PHACTR3: variants seen among roughly 807,000 people sequenced by gnomAD.
The protein encoded by PHACTR3 is phosphatase and actin regulator 3.
In PHACTR3, 16 loss-of-function variants were observed where a neutral mutation model predicts 66.8. The observed-to-expected ratio is 0.24, with a 90% CI of 0.16 to 0.36. The LOEUF (loss-of-function observed/expected upper bound fraction) is 0.36, where lower values mean the gene tolerates loss of function less well. PHACTR3 is among the 10% of genes least tolerant of loss of function. The probability of loss-of-function intolerance (pLI) is 1.00; values close to 1 mark genes in which losing one functional copy is unlikely to be tolerated. For synonymous variants in PHACTR3, 323 were observed against 292.1 expected (o/e 1.11, Z -1.08); for missense variants, 647 against 719.9 (o/e 0.90, Z 1.16).
At chr20:59,594,744 G>GGTTT (rs776275573) in intron 1 of PHACTR3, among the ~76,000 whole-genome samples, 8 of 152,100 alleles carry the variant, frequency 5.3e-5, no homozygotes, top group Non-Finnish European at 8.8e-5. Flanking sequence ...ACCAGCTTTT[G>GGTTT]GTTTCATTGA....
At chr20:59,617,327 T>C (rs1484217892) in intron 1 of PHACTR3, among the ~76,000 whole-genome samples, 1 of 152,152 alleles carries the variant, frequency 6.6e-6, no homozygotes, top group Non-Finnish European at 1.5e-5. Flanking sequence ...TCAGGTTAAA[T>C]AGTCTCACCC....
intron 1 of PHACTR3, among the ~76,000 whole-genome samples, chr20:59,687,672 C>A (rs553505119): frequency 1.3e-5 from 2 of 152,078 alleles, no homozygotes; most frequent in Admixed American, 6.5e-5. Context: ...CTGATAATTT[C>A]ATTAATGTGT....
chr20:59,824,905 GGTT>G (rs912795784), intron 8 of PHACTR3, among the ~76,000 whole-genome samples: 4 of 152,164 alleles, frequency 2.6e-5, no homozygotes, highest in South Asian at 2.1e-4. Flanking sequence ...CACTCCATGT[GGTT>G]GTTATTTCCA....
At chr20:59,764,388 G>A (rs1274484634) in intron 4 of PHACTR3, among the ~76,000 whole-genome samples, 4 of 152,136 alleles carry the variant, frequency 2.6e-5, no homozygotes, top group African/African-American at 9.7e-5. Flanking sequence ...TCAGACGCTG[G>A]CCACATTGTC....
chr20:59,777,201 A>G (rs771262098), intron 7 of PHACTR3, among the ~76,000 whole-genome samples: 3 of 152,210 alleles, frequency 2.0e-5, no homozygotes, highest in Non-Finnish European at 4.4e-5. Context: ...TGAGGATAGT[A>G]GTATTGCAGG....
chr20:59,774,631 C>G, intron 7 of PHACTR3, 141 bp downstream of exon 7: 1 of 1,197,272 alleles, frequency 8.4e-7, no homozygotes, highest in Non-Finnish European at 1.1e-6. Flanking sequence ...GGGGCTGTGT[C>G]CTCTGGAAAT....
At chr20:59,806,302 C>T (rs866695006) in intron 8 of PHACTR3, 108 bp downstream of exon 8, 15 of 1,405,550 alleles carry the variant, frequency 1.1e-5, no homozygotes, top group Middle Eastern at 2.4e-4. Flanking sequence ...CACAACCCAC[C>T]GTCTGCAGCA....
At chr20:59,808,994 G>A (rs1296662776) in intron 8 of PHACTR3, among the ~76,000 whole-genome samples, 1 of 152,164 alleles carries the variant, frequency 6.6e-6, no homozygotes, top group Non-Finnish European at 1.5e-5. Flanking sequence ...GTCCCCTGAG[G>A]TCAGAGACAA....
chr20:59,613,412 C>T (rs2033924153), intron 1 of PHACTR3, among the ~76,000 whole-genome samples: 1 of 152,174 alleles, frequency 6.6e-6, no homozygotes, highest in South Asian at 2.1e-4. Context: ...GGGGTGTCCA[C>T]CTGCCGAGTT....
intron 4 of PHACTR3, among the ~76,000 whole-genome samples, chr20:59,762,442 G>T (rs2040022995): frequency 6.6e-6 from 1 of 152,238 alleles, no homozygotes; most frequent in East Asian, 1.9e-4. Flanking sequence ...ATTTAAGCTT[G>T]TTTTTCACTC....
chr20:59,600,852 G>T (rs1373648025), upstream of PHACTR3, among the ~76,000 whole-genome samples: 3 of 152,118 alleles, frequency 2.0e-5, no homozygotes, highest in East Asian at 5.8e-4. Flanking sequence ...TCTGGGTGGA[G>T]ACAGGGAGGG....
chr20:59,620,985 C>T lies in PHACTR3; in HGVS notation c.118+15853C>T, dbSNP rs532807904. On this transcript the variant is annotated intron_variant, in intron 1 of 12. Coordinates refer to ENST00000371015, the MANE Select transcript of PHACTR3 (RefSeq NM_080672.5). ...GTATGTTTATCCTGTGGAGTAGAGT[C>T]CACTGCTGTCATCTTCTTGTTGCTG... Among the ~76,000 whole-genome samples the T allele has an allele frequency of 1.8e-4, 28 of 152,350 alleles. No individual in the cohort carries two copies. In the East Asian group the frequency reaches 5.2e-3, roughly 28 times the overall value.
chr20:59,813,930 T>C (rs2041813172), intron 8 of PHACTR3, among the ~76,000 whole-genome samples: 1 of 152,244 alleles, frequency 6.6e-6, no homozygotes, highest in Non-Finnish European at 1.5e-5. Context: ...CGTCCCCTGC[T>C]GTGTTTTTAG....
intron 1 of PHACTR3, among the ~76,000 whole-genome samples, chr20:59,609,785 A>G (rs1465097319): frequency 4.6e-5 from 7 of 152,164 alleles, no homozygotes; most frequent in Non-Finnish European, 8.8e-5. Flanking sequence ...CTCCTTGTAG[A>G]GTGTCTACAT....
chr20:59,706,141 A>T (rs1240259262), intron 1 of PHACTR3, among the ~76,000 whole-genome samples: 2 of 152,084 alleles, frequency 1.3e-5, no homozygotes, highest in Non-Finnish European at 2.9e-5. Context: ...TGACATTAAG[A>T]CCCCACTGGC....
At chr20:59,809,278 C>T (rs970804127) in intron 8 of PHACTR3, among the ~76,000 whole-genome samples, 1 of 152,066 alleles carries the variant, frequency 6.6e-6, no homozygotes, top group Non-Finnish European at 1.5e-5. Flanking sequence ...CAGAGTTGTG[C>T]TTGGGGCGCA....
chr20:59,709,082 G>A (rs2037820039), intron 1 of PHACTR3, among the ~76,000 whole-genome samples: 1 of 152,190 alleles, frequency 6.6e-6, no homozygotes, highest in South Asian at 2.1e-4. Context: ...TCTTCATAGA[G>A]TATGAGCAGG....
intron 5 of PHACTR3, among the ~76,000 whole-genome samples, chr20:59,768,814 G>A (rs781662749): frequency 3.3e-5 from 5 of 152,238 alleles, no homozygotes; most frequent in Non-Finnish European, 7.3e-5. Flanking sequence ...CACGAATTAA[G>A]TATTCCAGTC....
At chr20:59,726,794 G>A (rs2038579249) in intron 1 of PHACTR3, among the ~76,000 whole-genome samples, 1 of 152,072 alleles carries the variant, frequency 6.6e-6, no homozygotes, top group African/African-American at 2.4e-5. Flanking sequence ...GGTGTTCCCG[G>A]ACTTTGCATA....
Sources: allele counts gnomAD v4.1 joint callset (sites outside exome capture counted in the v4.1 genomes callset), GRCh38; gene constraint gnomAD v4.1.1; transcripts MANE v1.5; gene names NCBI Gene and HGNC (gene_info 2026-07-23, HGNC 2026-07-21).